DCC: variants seen among roughly 807,000 people sequenced by gnomAD.
DCC encodes DCC netrin 1 receptor, also known as netrin receptor DCC.
Under a neutral mutation model 172.5 loss-of-function variants are expected in DCC, and 58 were observed. The ratio of observed to expected loss-of-function variants is 0.34; its 90% CI spans 0.27 to 0.42. The LOEUF (loss-of-function observed/expected upper bound fraction) is 0.42, where lower values mean the gene tolerates loss of function less well. DCC is among the 10% of genes least tolerant of loss of function. DCC has a pLI of 1.00. For synonymous variants in DCC, 709 were observed against 644.5 expected (o/e 1.10, Z -1.52); for missense variants, 1,740 against 1,791.0 (o/e 0.97, Z 0.51).
intron 1 of DCC, among the ~76,000 whole-genome samples, chr18:52,469,321 C>T (rs1272237424): frequency 2.0e-5 from 3 of 152,058 alleles, no homozygotes; most frequent in Non-Finnish European, 4.4e-5. Context: ...GGTGGCCATC[C>T]GCCCACCTCC....
chr18:53,117,041 A>C lies in DCC; in HGVS notation c.1262-40315A>C, dbSNP rs78187224. Among the ~76,000 whole-genome samples the C allele has an allele frequency of 5.7e-3, 863 of 151,838 alleles. 6 individuals are homozygous for C. Among genetic ancestry groups the C allele is most frequent in the Admixed American group, 0.023 (349 of 15,214 alleles). On this transcript the variant is annotated intron_variant, in intron 7 of 28. Transcript: ENST00000442544. ...AGATGGAAAGTTATAATCAATGAAA[A>C]TCCAGTAAAATGCATATATAAGTCT...
chr18:52,504,863 G>A lies in DCC; in HGVS notation c.91+163985G>A, dbSNP rs543734577. Among the ~76,000 whole-genome samples, 93 of 152,038 alleles carry A rather than the reference G, an allele frequency of 6.1e-4. 3 individuals are homozygous for A. The South Asian group carries it at 0.017, about 28-fold the overall frequency. On this transcript the variant is annotated intron_variant, in intron 1 of 28. Coordinates refer to ENST00000442544, the MANE Select transcript of DCC (RefSeq NM_005215.4). ...TCCCACGCACTGTCTACAGCAATCC[G>A]ACAATTCTGGTTTTGGAAAGACCAT...
chr18:53,257,151 T>C (rs1231155958), intron 12 of DCC, among the ~76,000 whole-genome samples: 1 of 152,212 alleles, frequency 6.6e-6, no homozygotes, highest in African/African-American at 2.4e-5. Flanking sequence ...AATCATGTCA[T>C]CTGCAAACAG....
At chr18:53,390,861 G>A (rs934173535) in intron 16 of DCC, among the ~76,000 whole-genome samples, 5 of 152,162 alleles carry the variant, frequency 3.3e-5, no homozygotes, top group Non-Finnish European at 7.3e-5. Flanking sequence ...TTGTAGGAAT[G>A]TGTAATATGG....
intron 12 of DCC, among the ~76,000 whole-genome samples, chr18:53,292,902 T>A (rs1471794988): frequency 6.6e-6 from 1 of 152,194 alleles, no homozygotes; most frequent in African/African-American, 2.4e-5. Flanking sequence ...CCAAAGTGAC[T>A]TGATTACTTA....
intron 5 of DCC, among the ~76,000 whole-genome samples, chr18:52,953,638 A>C (rs2040693792): frequency 6.6e-6 from 1 of 152,218 alleles, no homozygotes; most frequent in Non-Finnish European, 1.5e-5. Flanking sequence ...ATTTCAAAGC[A>C]TTGACTACGG....
intron 2 of DCC, among the ~76,000 whole-genome samples, chr18:52,865,965 C>T (rs530386605): frequency 1.1e-4 from 16 of 151,526 alleles, no homozygotes; most frequent in Non-Finnish European, 2.1e-4. Flanking sequence ...AAGTCTTTGC[C>T]CATTCCTATG....
chr18:52,912,768 G>A (rs28607395), intron 3 of DCC, among the ~76,000 whole-genome samples: 59,316 of 151,302 alleles, frequency 0.39, 12,156 homozygotes, highest in Non-Finnish European at 0.47. Flanking sequence ...CGACATCAGC[G>A]TCTTCAAATC....
chr18:52,570,983 G>A (rs147034763), intron 1 of DCC, among the ~76,000 whole-genome samples: 1 of 152,090 alleles, frequency 6.6e-6, no homozygotes, highest in Non-Finnish European at 1.5e-5. Context: ...TTGATCTATA[G>A]GATAAGGAAA....
At chr18:53,110,130 G>A (rs1015314066) in intron 7 of DCC, among the ~76,000 whole-genome samples, 46 of 151,640 alleles carry the variant, frequency 3.0e-4, no homozygotes, top group African/African-American at 1.1e-3. Context: ...ATGTCCACTT[G>A]CTCTCACTAT....
At chr18:53,124,354 T>C (rs917463979) in intron 7 of DCC, among the ~76,000 whole-genome samples, 1 of 152,050 alleles carries the variant, frequency 6.6e-6, no homozygotes, top group Non-Finnish European at 1.5e-5. Context: ...ACTGTATACA[T>C]AATAAACAGG....
intron 1 of DCC, among the ~76,000 whole-genome samples, chr18:52,595,375 G>A (rs1467616189): frequency 6.6e-6 from 1 of 151,984 alleles, no homozygotes; most frequent in Non-Finnish European, 1.5e-5. Context: ...TCTTTAGGTG[G>A]GTAACACTCT....
intron 2 of DCC, among the ~76,000 whole-genome samples, chr18:52,781,149 T>C (rs918689400): frequency 6.6e-6 from 1 of 152,152 alleles, no homozygotes; most frequent in Non-Finnish European, 1.5e-5. Flanking sequence ...CTAATGATAA[T>C]AGGTTGAGAA....
intron 7 of DCC, among the ~76,000 whole-genome samples, chr18:53,144,644 G>A (rs1212748965): frequency 6.6e-6 from 1 of 152,174 alleles, no homozygotes; most frequent in African/African-American, 2.4e-5. Context: ...GATGAGGTTT[G>A]GGTGGGGACA....
intron 9 of DCC, among the ~76,000 whole-genome samples, chr18:53,188,259 C>G (rs2055314667): frequency 6.6e-6 from 1 of 152,142 alleles, no homozygotes; most frequent in Non-Finnish European, 1.5e-5. Context: ...GAGCCCAAGG[C>G]CTATGTCTAG....
intron 6 of DCC, among the ~76,000 whole-genome samples, chr18:53,065,726 T>C (rs189331678): frequency 1.0e-3 from 158 of 152,274 alleles, no homozygotes; most frequent in African/African-American, 3.2e-3. Context: ...TTCATGGTAA[T>C]CTTTGTTGCT....
intron 8 of DCC, among the ~76,000 whole-genome samples, chr18:53,174,208 A>G (rs1157461394): frequency 2.1e-5 from 3 of 145,034 alleles, no homozygotes; most frequent in Non-Finnish European, 4.5e-5. Flanking sequence ...ACAGCACTAA[A>G]TGCCCACAAG....
chr18:52,425,707 T>C (rs992476330), intron 1 of DCC, among the ~76,000 whole-genome samples: 1 of 152,102 alleles, frequency 6.6e-6, no homozygotes, highest in African/African-American at 2.4e-5. Flanking sequence ...GGAGGATTCT[T>C]CCCACCCTCA....
intron 26 of DCC, among the ~76,000 whole-genome samples, 190 bp downstream of exon 26, chr18:53,487,148 C>T (rs913133848): frequency 1.3e-5 from 2 of 152,142 alleles, no homozygotes; most frequent in Admixed American, 1.3e-4. Context: ...TCCCTAGGCA[C>T]CTTTCCACAG....
Sources: allele counts gnomAD v4.1 joint callset (sites outside exome capture counted in the v4.1 genomes callset), GRCh38; gene constraint gnomAD v4.1.1; transcripts MANE v1.5; gene names NCBI Gene and HGNC (gene_info 2026-07-23, HGNC 2026-07-21).